The following ADGRL3 variants were observed in gnomAD, a reference collection of about 807,000 sequenced individuals.
ADGRL3 encodes calcium-independent alpha-latrotoxin receptor 3.
A neutral mutation model predicts 153.5 loss-of-function variants in ADGRL3; 62 were observed. The observed-to-expected ratio is 0.40, with a 90% CI of 0.33 to 0.50. The LOEUF is 0.50. Among genes scored for constraint, ADGRL3 ranks in the 20% least tolerant of loss-of-function variants. The pLI is 0.47. For missense variants in ADGRL3, 1,641 were observed against 1,859.4 expected (o/e 0.88, Z 2.16); for synonymous variants, 710 against 672.5 (o/e 1.06, Z -0.86).
chr4:61,210,045 T>A (rs1739196023), intron 1 of ADGRL3, among the ~76,000 whole-genome samples: 1 of 152,174 alleles, frequency 6.6e-6, no homozygotes, highest in South Asian at 2.1e-4. Flanking sequence ...GAAAGGCTCA[T>A]AAATGAGTTG....
chr4:61,521,537 T>C (rs908176209), intron 4 of ADGRL3, among the ~76,000 whole-genome samples: 1 of 152,082 alleles, frequency 6.6e-6, no homozygotes, highest in Non-Finnish European at 1.5e-5. Flanking sequence ...TCAAGACCAA[T>C]GGAGTGTTCA....
chr4:61,823,491 C>T (rs1038049250), intron 9 of ADGRL3, among the ~76,000 whole-genome samples: 5 of 152,034 alleles, frequency 3.3e-5, no homozygotes, highest in African/African-American at 4.8e-5. Context: ...GTGGTATTAA[C>T]ATTTATTTGT....
chr4:61,783,029 T>C, intron 8 of ADGRL3, among the ~76,000 whole-genome samples: 1 of 152,202 alleles, frequency 6.6e-6, no homozygotes, highest in East Asian at 1.9e-4. Context: ...CAGGCTCCAC[T>C]GACTAGACCT....
chr4:61,230,318 T>G (rs1247920942), intron 1 of ADGRL3, among the ~76,000 whole-genome samples: 1 of 152,160 alleles, frequency 6.6e-6, no homozygotes, highest in Admixed American at 6.5e-5. Context: ...TTGTCAAGAT[T>G]AGTTTTGGTT....
intron 21 of ADGRL3, among the ~76,000 whole-genome samples, chr4:62,025,724 A>G (rs550665266): frequency 1.3e-5 from 2 of 152,328 alleles, no homozygotes; most frequent in South Asian, 4.1e-4. Context: ...ATGATAAGGT[A>G]AACCTATAAG....
At chr4:61,318,543 A>C (rs1363790710) in intron 1 of ADGRL3, among the ~76,000 whole-genome samples, 1 of 152,148 alleles carries the variant, frequency 6.6e-6, no homozygotes, top group African/African-American at 2.4e-5. Context: ...CCCTGATTTG[A>C]GTCATCACCC....
chr4:61,300,677 T>C (rs2094551287), intron 1 of ADGRL3, among the ~76,000 whole-genome samples: 1 of 152,188 alleles, frequency 6.6e-6, no homozygotes, highest in South Asian at 2.1e-4. Flanking sequence ...GTCTTCACTA[T>C]ATGACTGCTC....
Position 61,601,467 on chromosome 4 carries a change from C to G in ADGRL3, c.473+14027C>G, listed in dbSNP as rs192104919. ...ATGAATGAGCTCTACTCAATGAATT[C>G]AAACTATTAATTCCCATGGAGAACA... On this transcript the variant is annotated intron_variant, in intron 5 of 26. Coordinates refer to ENST00000683033, the MANE Select transcript of ADGRL3 (RefSeq NM_001387552.1). 4.1e-3 allele frequency among the ~76,000 whole-genome samples: 624 copies of G among 152,238 alleles called. 10 individuals carry two copies. The highest frequency in any genetic ancestry group is 1.7e-3 in the Non-Finnish European group (118 of 68,016).
At chr4:61,592,591 G>C (rs2098974117) in intron 5 of ADGRL3, among the ~76,000 whole-genome samples, 1 of 152,082 alleles carries the variant, frequency 6.6e-6, no homozygotes, top group Non-Finnish European at 1.5e-5. Flanking sequence ...TAAATGTAGA[G>C]AATATGGAGA....
intron 21 of ADGRL3, among the ~76,000 whole-genome samples, chr4:62,007,314 A>G (rs2099162641): frequency 7.3e-6 from 1 of 137,402 alleles, no homozygotes. Flanking sequence ...GGAACAGGAC[A>G]TTCTCAACAT....
At chr4:61,879,005 G>C (rs557647446) in intron 9 of ADGRL3, among the ~76,000 whole-genome samples, 1 of 152,104 alleles carries the variant, frequency 6.6e-6, no homozygotes, top group East Asian at 1.9e-4. Context: ...TTTTTGAAAA[G>C]ATTGTTATAT....
At chr4:61,374,379 C>T (rs972886352) in intron 1 of ADGRL3, among the ~76,000 whole-genome samples, 2 of 152,116 alleles carry the variant, frequency 1.3e-5, no homozygotes, top group African/African-American at 4.8e-5. Context: ...TGATTGAGGG[C>T]CTCTCCATGA....
At chr4:61,321,309 A>G (rs565883318) in intron 1 of ADGRL3, among the ~76,000 whole-genome samples, 1 of 152,280 alleles carries the variant, frequency 6.6e-6, no homozygotes, top group East Asian at 1.9e-4. Flanking sequence ...CTAAGTTGGT[A>G]GTCCCAGCGT....
chr4:61,328,903 G>T (rs2095517148), intron 1 of ADGRL3, among the ~76,000 whole-genome samples: 1 of 152,120 alleles, frequency 6.6e-6, no homozygotes, highest in African/African-American at 2.4e-5. Context: ...AGTGTGCAGT[G>T]ATTCGTCCTG....
intron 1 of ADGRL3, among the ~76,000 whole-genome samples, chr4:61,359,493 T>G (rs967820178): frequency 6.6e-5 from 10 of 152,276 alleles, no homozygotes; most frequent in Admixed American, 3.3e-4. Context: ...TGCTGCTACA[T>G]AAATCCCTTT....
chr4:61,796,482 ATGAAATT>A (rs1390509895), intron 8 of ADGRL3, among the ~76,000 whole-genome samples: 1 of 152,178 alleles, frequency 6.6e-6, no homozygotes, highest in African/African-American at 2.4e-5. Flanking sequence ...CAGAGCTCTT[ATGAAATT>A]TGACAATGCC....
intron 21 of ADGRL3, among the ~76,000 whole-genome samples, chr4:62,019,023 A>T (rs766769456): frequency 3.9e-5 from 6 of 152,060 alleles, no homozygotes; most frequent in Non-Finnish European, 5.9e-5. Flanking sequence ...CAGGAAAGTG[A>T]CTCTGTAACC....
intron 5 of ADGRL3, among the ~76,000 whole-genome samples, chr4:61,673,794 TC>T (rs1164496897): frequency 4.0e-5 from 6 of 151,182 alleles, no homozygotes; most frequent in Non-Finnish European, 5.9e-5. Context: ...TTTTTAATAA[TC>T]ATAATTTATA....
At chr4:62,001,996 T>C (rs1448621171) in intron 21 of ADGRL3, among the ~76,000 whole-genome samples, 1 of 152,014 alleles carries the variant, frequency 6.6e-6, no homozygotes, top group Non-Finnish European at 1.5e-5. Context: ...CACATATATC[T>C]CCTTTATCTA....
Sources: allele counts gnomAD v4.1 joint callset (sites outside exome capture counted in the v4.1 genomes callset), GRCh38; gene constraint gnomAD v4.1.1; transcripts MANE v1.5; gene names NCBI Gene and HGNC (gene_info 2026-07-23, HGNC 2026-07-21).